The following ALG11 variants were observed in gnomAD, a reference collection of about 807,000 sequenced individuals.
ALG11 encodes ALG11 alpha-1,2-mannosyltransferase.
Under a neutral mutation model 38.8 loss-of-function variants are expected in ALG11, and 26 were observed. The ratio of observed to expected loss-of-function variants is 0.67; its 90% CI spans 0.49 to 0.93. ALG11 has a LOEUF of 0.93. Ranked by LOEUF, ALG11 falls within the 40% of genes least tolerant of loss-of-function variation. The pLI is 0.00. For missense variants in ALG11, 535 were observed against 578.8 expected, an observed-to-expected ratio of 0.92 and a Z score of 0.78; for synonymous variants, 199 against 211.6, an observed-to-expected ratio of 0.94 and a Z score of 0.52.
At chr13:52,026,245 G>C (rs1954239436) in intron 3 of ALG11, among the ~76,000 whole-genome samples, 1 of 152,242 alleles carries the variant, frequency 6.6e-6, no homozygotes, top group African/African-American at 2.4e-5. Flanking sequence ...TTAGCCAGGA[G>C]AGAGGGGAGA....
Position 52,023,988 on chromosome 13 carries a change from C to T in ALG11, c.276-18C>T. ...TTTTGTAACTTAATATATTCTTAAC[C>T]ATTACATTCTATTTTAGGTATCCTG... On this transcript the variant is annotated intron_variant, in intron 2 of 3. Coordinates refer to ENST00000521508, the MANE Select transcript of ALG11 (RefSeq NM_001004127.3). The T allele has an allele frequency of 1.2e-6, 2 of 1,611,282 alleles. No homozygotes were observed. Among genetic ancestry groups the T allele is most frequent in the Non-Finnish European group, 1.7e-6 (2 of 1,177,594 alleles).
chr13:52,018,899 T>G lies in ALG11; in HGVS notation c.45-14T>G. ...TATATCACATTGATTCTCAACTTTG[T>G]CCTCTTATTTCAGGTTTTTTTATTC... On this transcript the variant is annotated splice_polypyrimidine_tract_variant and intron_variant, in intron 1 of 3. Coordinates refer to ENST00000521508, the MANE Select transcript of ALG11 (RefSeq NM_001004127.3). 6.2e-7 allele frequency: 1 copy of G among 1,606,582 alleles called. No homozygotes were observed. The highest frequency in any genetic ancestry group is 8.5e-7 in the Non-Finnish European group (1 of 1,173,180).
At position 52,030,663 on chromosome 13, in the gene ALG11, C is replaced by T. The variant is rs1426836405; in HGVS notation, c.*2073C>T. 21 of 1,614,012 alleles carry T rather than the reference C, an allele frequency of 1.3e-5. No individual in the cohort carries two copies. The highest frequency in any genetic ancestry group is 1.8e-5 in the Non-Finnish European group (21 of 1,180,024). On this transcript the variant is annotated 3_prime_UTR_variant, in exon 4 of 4. Transcript: ENST00000521508. The stretch of plus-strand genomic sequence containing the variant: ...AGGGAAGCTGTGGAGGCGAGTAAGC[C>T]AAAGGACGTGGACCTGACACTACCT...
chr13:52,016,438 C>CA (rs1349932277), intron 1 of ALG11: 1 of 152,264 alleles, frequency 6.6e-6, no homozygotes, highest in Non-Finnish European at 1.5e-5. Context: ...CGGAGACCTT[C>CA]ATGGCAGCCT....
chr13:52,019,288 G>C lies in ALG11; in HGVS notation c.275+145G>C, dbSNP rs1051321052. 34 of 718,212 alleles carry C rather than the reference G, an allele frequency of 4.7e-5. No individual in the cohort carries two copies. In the African/African-American group the frequency reaches 5.3e-4, roughly 11 times the overall value. The allele number at this position is 718,212 out of a possible 1,614,324, so 44.5% of individuals were successfully genotyped here. ...CCAGGCTGGAGTGCAGTGGCACGAT[G>C]TCGGCTCACTGCAAGCTCCGCCTCC... On this transcript the variant is annotated intron_variant, in intron 2 of 3. Coordinates refer to ENST00000521508, the MANE Select transcript of ALG11 (RefSeq NM_001004127.3).
At chr13:52,019,473 G>A (rs1014147647) in intron 2 of ALG11, among the ~76,000 whole-genome samples, 46 of 151,920 alleles carry the variant, frequency 3.0e-4, no homozygotes, top group African/African-American at 2.4e-4. Flanking sequence ...CGCCCACCTC[G>A]GCCTTCCAAA....
At chr13:52,025,034 C>G (rs962585722) in intron 3 of ALG11, 97 bp downstream of exon 3, 1 of 1,356,070 alleles carries the variant, frequency 7.4e-7, no homozygotes, top group Non-Finnish European at 1.0e-6. Flanking sequence ...TGCATCATGC[C>G]CTAATTCTCT....
chr13:52,018,483 T>C (rs566473217), intron 1 of ALG11, among the ~76,000 whole-genome samples: 1 of 152,354 alleles, frequency 6.6e-6, no homozygotes, highest in East Asian at 1.9e-4. Flanking sequence ...TTTACTATCT[T>C]ACCAGACTTT....
intron 1 of ALG11, among the ~76,000 whole-genome samples, chr13:52,012,990 T>C (rs1431398027): frequency 2.0e-5 from 3 of 152,220 alleles, no homozygotes; most frequent in Non-Finnish European, 2.9e-5. Flanking sequence ...ATGTAAGAAG[T>C]TACATAAAAT....
At chr13:52,023,823 C>G in intron 2 of ALG11, 183 bp from the exon 3 acceptor site, 2 of 191,340 alleles carry the variant, frequency 1.0e-5, no homozygotes, top group East Asian at 1.2e-4. Context: ...GAGATGGAGT[C>G]TCACTCTGTC....
rs189230511 is a variant in ALG11, at chr13:52,027,256, G to C, written c.1208-1063G>C. ...TAAGTTTATCTGTGAAGTACGGGGAGGGGGAGAAGAGACAGTGGCTAGGGG... is the reference window on the plus strand; with the variant it reads ...TAAGTTTATCTGTGAAGTACGGGGACGGGGAGAAGAGACAGTGGCTAGGGG... On this transcript the variant is annotated intron_variant, in intron 3 of 3. Coordinates refer to ENST00000521508, the MANE Select transcript of ALG11 (RefSeq NM_001004127.3). Among the ~76,000 whole-genome samples the C allele has an allele frequency of 1.1e-4, 16 of 152,286 alleles. No homozygotes were observed. The East Asian group carries it at 2.5e-3, about 24-fold the overall frequency.
In ALG11 at chr13:52,028,732, G is replaced by A. The variant is rs1173189896; in HGVS notation, c.*142G>A. Reference sequence around the variant, plus strand: ...AAATTTCCTTTTAGAATAAAAGGAAGTGTTGAAAAGAAAATGGATGACTAG... The same window carrying A: ...AAATTTCCTTTTAGAATAAAAGGAAATGTTGAAAAGAAAATGGATGACTAG... On this transcript the variant is annotated 3_prime_UTR_variant, in exon 4 of 4. Transcript: ENST00000521508. 6.2e-7 allele frequency: 1 copy of A among 1,601,068 alleles called. No individual in the cohort carries two copies. The highest frequency in any genetic ancestry group is 8.5e-7 in the Non-Finnish European group (1 of 1,169,720).
Position 52,029,554 on chromosome 13 carries a change from G to A in ALG11, c.*964G>A. 6.2e-7 allele frequency: 1 copy of A among 1,614,130 alleles called. No individual in the cohort carries two copies. The highest frequency in any genetic ancestry group is 1.1e-5 in the South Asian group (1 of 91,084). Reference sequence around the variant, plus strand: ...AAGAGAAGAAAATCAAAAGTAAAAAGTATCACAAAGTCGTGAAGAAAGGAA... The same window carrying A: ...AAGAGAAGAAAATCAAAAGTAAAAAATATCACAAAGTCGTGAAGAAAGGAA... On this transcript the variant is annotated 3_prime_UTR_variant, in exon 4 of 4. Coordinates refer to ENST00000521508, the MANE Select transcript of ALG11 (RefSeq NM_001004127.3).
rs566245772 is a variant in ALG11 at position 52,028,749 on chromosome 13, G to A, written c.*159G>A. 6.2e-7 allele frequency: 1 copy of A among 1,612,124 alleles called. No homozygotes were observed. Among genetic ancestry groups the A allele is most frequent in the South Asian group, 1.1e-5 (1 of 90,914 alleles). On this transcript the variant is annotated 3_prime_UTR_variant, in exon 4 of 4. Coordinates refer to ENST00000521508, the MANE Select transcript of ALG11 (RefSeq NM_001004127.3). Reference sequence around the variant, plus strand: ...AAAAGGAAGTGTTGAAAAGAAAATGGATGACTAGCCTTCGGCTTCCATTCT... The same window carrying A: ...AAAAGGAAGTGTTGAAAAGAAAATGAATGACTAGCCTTCGGCTTCCATTCT...
At chr13:52,019,707 G>A (rs756791303) in intron 2 of ALG11, among the ~76,000 whole-genome samples, 7 of 152,138 alleles carry the variant, frequency 4.6e-5, no homozygotes, top group Non-Finnish European at 7.3e-5. Context: ...TTGTGAAGCC[G>A]TGGCAGGTGA....
In ALG11 at chr13:52,030,588, A is replaced by G. The variant is rs749058828; in HGVS notation, c.*1998A>G. The stretch of plus-strand genomic sequence containing the variant: ...GAGAGAGACCAAAGGCAGATGATAA[A>G]GGAAGCTTTTGCTGGGGATGATGTC... On this transcript the variant is annotated 3_prime_UTR_variant, in exon 4 of 4. Coordinates refer to ENST00000521508, the MANE Select transcript of ALG11 (RefSeq NM_001004127.3). The G allele has an allele frequency of 5.2e-5, 84 of 1,614,106 alleles. 2 individuals carry two copies. The East Asian group carries it at 1.7e-3, about 33-fold the overall frequency.
chr13:52,020,669 A>G (rs937194698), intron 2 of ALG11: 2 of 152,212 alleles, frequency 1.3e-5, no homozygotes, highest in African/African-American at 2.4e-5. Context: ...ACCCATCTAC[A>G]AGGAGAAAAA....
intron 1 of ALG11, among the ~76,000 whole-genome samples, chr13:52,017,865 G>A (rs1954148066): frequency 6.6e-6 from 1 of 152,168 alleles, no homozygotes; most frequent in African/African-American, 2.4e-5. Context: ...CTGCATACCT[G>A]TGTCCATCAT....
At chr13:52,019,285 G>A (rs997940851) in intron 2 of ALG11, 142 bp downstream of exon 2, 51 of 747,302 alleles carry the variant, frequency 6.8e-5, no homozygotes, top group Non-Finnish European at 9.8e-5. Flanking sequence ...GCAGTGGCAC[G>A]ATGTCGGCTC....
Sources: allele counts gnomAD v4.1 joint callset (sites outside exome capture counted in the v4.1 genomes callset), GRCh38; gene constraint gnomAD v4.1.1; transcripts MANE v1.5; gene names NCBI Gene and HGNC (gene_info 2026-07-23, HGNC 2026-07-21).